NDST4: variants seen among roughly 807,000 people sequenced by gnomAD.
The protein encoded by NDST4 is N-deacetylase and N-sulfotransferase 4.
Under a neutral mutation model 100.8 loss-of-function variants are expected in NDST4, and 63 were observed. The ratio of observed to expected loss-of-function variants is 0.62; its 90% CI spans 0.51 to 0.77. The LOEUF (loss-of-function observed/expected upper bound fraction) is 0.77. Ranked by LOEUF, NDST4 falls within the 30% of genes least tolerant of loss-of-function variation. NDST4 has a pLI of 0.00. For synonymous variants in NDST4, 377 were observed against 361.8 expected, an observed-to-expected ratio of 1.04 and a Z score of -0.48; for missense variants, 943 against 1,018.4, an observed-to-expected ratio of 0.93 and a Z score of 1.01.
intron 2 of NDST4, among the ~76,000 whole-genome samples, chr4:115,005,811 A>C (rs2126257930): frequency 6.6e-6 from 1 of 151,970 alleles, no homozygotes; most frequent in Non-Finnish European, 1.5e-5. Flanking sequence ...GGTGGGTGGA[A>C]GACTTGAGGT....
chr4:115,089,988 C>T (rs907370575), intron 1 of NDST4, among the ~76,000 whole-genome samples: 1 of 151,674 alleles, frequency 6.6e-6, no homozygotes, highest in African/African-American at 2.4e-5. Context: ...TTGGTAAGCA[C>T]ACAAAATTTG....
At chr4:114,936,704 C>A (rs533671147) in intron 5 of NDST4, among the ~76,000 whole-genome samples, 31 of 152,164 alleles carry the variant, frequency 2.0e-4, no homozygotes, top group African/African-American at 7.2e-4. Context: ...TGGTTTTATT[C>A]TCATTTATTA....
intron 2 of NDST4, among the ~76,000 whole-genome samples, chr4:115,011,976 A>G (rs1318256145): frequency 6.6e-6 from 1 of 151,866 alleles, no homozygotes; most frequent in Non-Finnish European, 1.5e-5. Flanking sequence ...TGGCAACATG[A>G]AAGAGAGAAA....
At chr4:114,848,873 A>C (rs1270543485) in intron 8 of NDST4, among the ~76,000 whole-genome samples, 1 of 152,210 alleles carries the variant, frequency 6.6e-6, no homozygotes, top group Admixed American at 6.5e-5. Context: ...GGACTTGGAC[A>C]AGTACACAAG....
rs541238437 is a variant in NDST4 at position 114,922,778 on chromosome 4, G to A, written c.1536+12428C>T. ...AAAAGGGCATGTGGTAGACACATGC[G>A]GTTATGGCATAATTTTCATTTGTTA... is the stretch of plus-strand genomic sequence containing the variant. On this transcript the variant is annotated intron_variant, in intron 6 of 13. Transcript: ENST00000264363. Among the ~76,000 whole-genome samples, 11 of 152,240 alleles carry A rather than the reference G, an allele frequency of 7.2e-5. No homozygotes were observed. In the South Asian group the frequency reaches 1.7e-3, roughly 23 times the overall value.
chr4:115,095,876 T>C (rs1729611227), intron 1 of NDST4, among the ~76,000 whole-genome samples: 3 of 152,068 alleles, frequency 2.0e-5, no homozygotes, highest in African/African-American at 7.2e-5. Context: ...CAATTAATAA[T>C]ATTTCATATA....
chr4:115,035,357 G>A (rs779837240), intron 2 of NDST4, among the ~76,000 whole-genome samples: 45 of 151,988 alleles, frequency 3.0e-4, no homozygotes, highest in Non-Finnish European at 5.9e-4. Context: ...GAAAACAAGC[G>A]CTATAAATTG....
At chr4:115,080,061 C>T (rs1729269736) in intron 1 of NDST4, among the ~76,000 whole-genome samples, 1 of 152,140 alleles carries the variant, frequency 6.6e-6, no homozygotes, top group Non-Finnish European at 1.5e-5. Context: ...CCAGTGACTT[C>T]ACATGGACTT....
intron 1 of NDST4, among the ~76,000 whole-genome samples, chr4:115,095,304 C>T (rs1331216170): frequency 6.6e-6 from 1 of 152,158 alleles, no homozygotes; most frequent in Non-Finnish European, 1.5e-5. Flanking sequence ...TTCTTGAAAC[C>T]TTTCAGTGTG....
chr4:114,932,467 T>G (rs1725535467), intron 6 of NDST4, among the ~76,000 whole-genome samples: 1 of 151,930 alleles, frequency 6.6e-6, no homozygotes, highest in Non-Finnish European at 1.5e-5. Context: ...ACTGCTTCTA[T>G]TCAATATAAT....
At chr4:115,017,359 G>A (rs1727700894) in intron 2 of NDST4, among the ~76,000 whole-genome samples, 1 of 151,924 alleles carries the variant, frequency 6.6e-6, no homozygotes, top group African/African-American at 2.4e-5. Context: ...TTCAATATAT[G>A]CATTTCCTGT....
chr4:114,965,521 A>G (rs973723493), intron 4 of NDST4, among the ~76,000 whole-genome samples: 2 of 152,054 alleles, frequency 1.3e-5, no homozygotes, highest in African/African-American at 4.8e-5. Context: ...ATCAGAATTT[A>G]AAATCCTATG....
intron 2 of NDST4, among the ~76,000 whole-genome samples, chr4:115,001,144 A>C (rs1379175414): frequency 6.6e-6 from 1 of 152,062 alleles, no homozygotes; most frequent in African/African-American, 2.4e-5. Flanking sequence ...GCATTTATTT[A>C]CTTGTTAGAG....
At chr4:114,953,133 C>T (rs926482722) in intron 4 of NDST4, among the ~76,000 whole-genome samples, 4 of 151,228 alleles carry the variant, frequency 2.6e-5, no homozygotes, top group African/African-American at 9.7e-5. Flanking sequence ...CACATGGCAG[C>T]TTGTGAGTTC....
chr4:114,873,416 T>C lies in NDST4; in HGVS notation c.1537-2466A>G, dbSNP rs548072421. On this transcript the variant is annotated intron_variant, in intron 6 of 13. Transcript: ENST00000264363. ...AAGTAAAATTTAAATCATTTAAAAATTTAAATTATTTAAAAATTTTAAATT... is the reference window on the plus strand; with the variant it reads ...AAGTAAAATTTAAATCATTTAAAAACTTAAATTATTTAAAAATTTTAAATT... 1.8e-3 allele frequency among the ~76,000 whole-genome samples: 269 copies of C among 151,894 alleles called. 1 individual carries two copies. The highest frequency in any genetic ancestry group is 3.1e-3 in the Non-Finnish European group (207 of 67,832).
At chr4:114,838,468 C>A (rs1723349906) in intron 11 of NDST4, among the ~76,000 whole-genome samples, 2 of 152,148 alleles carry the variant, frequency 1.3e-5, no homozygotes. Flanking sequence ...CACATATACA[C>A]CATGGAATAC....
intron 6 of NDST4, among the ~76,000 whole-genome samples, chr4:114,918,846 C>G (rs1725232190): frequency 2.0e-5 from 3 of 152,198 alleles, no homozygotes; most frequent in African/African-American, 7.2e-5. Flanking sequence ...TCACTTTGTT[C>G]CTTGGAAAGC....
At chr4:114,856,421 A>T (rs1483311700) in intron 7 of NDST4, among the ~76,000 whole-genome samples, 2 of 152,112 alleles carry the variant, frequency 1.3e-5, no homozygotes, top group Non-Finnish European at 2.9e-5. Context: ...TTAGAGACCA[A>T]ATATTTTCAC....
intron 2 of NDST4, 148 bp downstream of exon 2, chr4:115,075,911 T>C: frequency 1.1e-6 from 1 of 906,962 alleles, no homozygotes; most frequent in Non-Finnish European, 1.6e-6. Flanking sequence ...TGGTTAAGTC[T>C]TGGTTCAATA....
Sources: allele counts gnomAD v4.1 joint callset (sites outside exome capture counted in the v4.1 genomes callset), GRCh38; gene constraint gnomAD v4.1.1; transcripts MANE v1.5; gene names NCBI Gene and HGNC (gene_info 2026-07-23, HGNC 2026-07-21).